Variants in MIGA1 observed in about 807,000 individuals in gnomAD.
MIGA1 encodes family with sequence similarity 73, member A.
A neutral mutation model predicts 82.0 loss-of-function variants in MIGA1; 58 were observed. The observed-to-expected ratio is 0.71, with a 90% CI of 0.57 to 0.88. MIGA1 has a LOEUF of 0.88. Among genes scored for constraint, MIGA1 ranks in the 40% least tolerant of loss-of-function variants. MIGA1 has a pLI of 0.00. For missense variants in MIGA1, 751 were observed against 749.1 expected, an observed-to-expected ratio of 1.00 and a Z score of -0.03; for synonymous variants, 249 against 253.6, an observed-to-expected ratio of 0.98 and a Z score of 0.17.
intron 7 of MIGA1, among the ~76,000 whole-genome samples, chr1:77,825,133 T>A (rs1290676556): frequency 1.4e-5 from 2 of 142,000 alleles, no homozygotes; most frequent in Non-Finnish European, 3.1e-5. Flanking sequence ...AGACTGCAGG[T>A]GCGCTGGGGA....
intron 8 of MIGA1, among the ~76,000 whole-genome samples, chr1:77,858,435 T>C (rs1037791425): frequency 6.6e-6 from 1 of 152,254 alleles, no homozygotes; most frequent in South Asian, 2.1e-4. Context: ...TTAAAAGTTT[T>C]ACTCTTTTTA....
chr1:77,847,989 C>CA, intron 8 of MIGA1: 2 of 1,228,676 alleles, frequency 1.6e-6, no homozygotes, highest in Non-Finnish European at 2.4e-6. Context: ...CCACAGGAAT[C>CA]AAAACCACTC....
intron 5 of MIGA1, chr1:77,811,512 G>T (rs1342833813): frequency 2.5e-6 from 4 of 1,574,388 alleles, no homozygotes; most frequent in African/African-American, 1.4e-5. Context: ...GCTTCTTCAG[G>T]TCCTCCAGTT....
chr1:77,844,644 G>C (rs1251248967), intron 8 of MIGA1, among the ~76,000 whole-genome samples: 1 of 151,978 alleles, frequency 6.6e-6, no homozygotes, highest in Non-Finnish European at 1.5e-5. Context: ...AGTAGATTTT[G>C]GATATAATAA....
Position 77,865,437 on chromosome 1 carries a change from A to G in MIGA1, c.1510-901A>G, listed in dbSNP as rs1293175430. ...GACACCTCGTCTCTATAAAAAAAATACAAAAATTTGCCAGGTGCAGTGGTG... is the reference window on the plus strand; with the variant it reads ...GACACCTCGTCTCTATAAAAAAAATGCAAAAATTTGCCAGGTGCAGTGGTG... On this transcript the variant is annotated intron_variant, in intron 13 of 15. Transcript: ENST00000370791. Among the ~76,000 whole-genome samples the G allele has an allele frequency of 2.6e-5, 4 of 152,264 alleles. No individual in the cohort carries two copies. The East Asian group carries it at 5.8e-4, about 22-fold the overall frequency.
chr1:77,814,953 G>A (rs915462293), intron 6 of MIGA1, among the ~76,000 whole-genome samples, 155 bp from the exon 7 acceptor site: 3 of 152,118 alleles, frequency 2.0e-5, no homozygotes, highest in African/African-American at 7.2e-5. Context: ...TAGAACCCAG[G>A]CCTCTTGACT....
At chr1:77,844,899 T>G (rs896736039) in intron 8 of MIGA1, among the ~76,000 whole-genome samples, 1 of 152,142 alleles carries the variant, frequency 6.6e-6, no homozygotes, top group Admixed American at 6.5e-5. Flanking sequence ...CAAGAATCGC[T>G]TGAACCTGGG....
At position 77,848,664 on chromosome 1, in the gene MIGA1, A is replaced by G. The variant is rs146625303; in HGVS notation, c.996+5257A>G. 6.0e-4 allele frequency: 947 copies of G among 1,575,958 alleles called. 9 individuals are homozygous for G. The highest frequency in any genetic ancestry group is 6.0e-3 in the South Asian group (540 of 90,086). ...AAAGGCAAGAGAAGGGTAAAGAACA[A>G]GAGAGACCACCTGAGGCAGTGAGCA... On this transcript the variant is annotated intron_variant, in intron 8 of 15. Transcript: ENST00000370791.
At chr1:77,789,265 G>A (rs1419595546) in intron 2 of MIGA1, among the ~76,000 whole-genome samples, 6 of 134,588 alleles carry the variant, frequency 4.5e-5, no homozygotes, top group Admixed American at 3.2e-4. Context: ...TGCAAATCCC[G>A]GCAGTAAGTC....
intron 14 of MIGA1, 48 bp from the exon 15 acceptor site, chr1:77,872,956 A>G: frequency 6.2e-7 from 1 of 1,608,398 alleles, no homozygotes; most frequent in Non-Finnish European, 8.5e-7. Context: ...AGAGAAAGCA[A>G]GTAACAAGAA....
intron 7 of MIGA1, among the ~76,000 whole-genome samples, chr1:77,820,760 C>T (rs1362478162): frequency 2.0e-5 from 3 of 152,122 alleles, no homozygotes; most frequent in African/African-American, 7.2e-5. Context: ...TTCTTCTGTC[C>T]TTCTCAATGG....
chr1:77,822,117 A>C (rs1683837533), intron 7 of MIGA1, among the ~76,000 whole-genome samples: 1 of 151,708 alleles, frequency 6.6e-6, no homozygotes, highest in Non-Finnish European at 1.5e-5. Flanking sequence ...TGGTCATTTC[A>C]CATTGCATAC....
At chr1:77,865,260 C>A (rs947319072) in intron 13 of MIGA1, among the ~76,000 whole-genome samples, 1 of 151,442 alleles carries the variant, frequency 6.6e-6, no homozygotes, top group Non-Finnish European at 1.5e-5. Flanking sequence ...ACTGTTAGCT[C>A]TATTCACAAA....
chr1:77,839,754 T>C (rs144275742), intron 7 of MIGA1, among the ~76,000 whole-genome samples: 5 of 152,204 alleles, frequency 3.3e-5, no homozygotes, highest in African/African-American at 1.2e-4. Context: ...TAGTTTTGTT[T>C]TGTTTTGAGA....
At chr1:77,858,682 A>G (rs1400759991) in intron 8 of MIGA1, among the ~76,000 whole-genome samples, 1 of 152,132 alleles carries the variant, frequency 6.6e-6, no homozygotes, top group Non-Finnish European at 1.5e-5. Flanking sequence ...GCAGTGATAC[A>G]ATCACAGCTC....
At chr1:77,811,517 C>T (rs1683327161) in intron 5 of MIGA1, 2 of 1,584,134 alleles carry the variant, frequency 1.3e-6, no homozygotes, top group Admixed American at 1.7e-5. Context: ...TTCAGGTCCT[C>T]CAGTTTAAAT....
intron 3 of MIGA1, among the ~76,000 whole-genome samples, chr1:77,802,300 C>T (rs1339385747): frequency 6.6e-6 from 1 of 152,130 alleles, no homozygotes; most frequent in Non-Finnish European, 1.5e-5. Context: ...CAGGTAAGTG[C>T]CATATATTCA....
intron 15 of MIGA1, among the ~76,000 whole-genome samples, chr1:77,874,623 G>A (rs1646879456): frequency 6.6e-6 from 1 of 152,030 alleles, no homozygotes; most frequent in Non-Finnish European, 1.5e-5. Context: ...TGAGTAGTAA[G>A]TAGGGTGGGT....
At chr1:77,781,445 A>C (rs1445459901) in intron 1 of MIGA1, among the ~76,000 whole-genome samples, 2 of 152,192 alleles carry the variant, frequency 1.3e-5, no homozygotes, top group African/African-American at 4.8e-5. Flanking sequence ...GGGAAGAATA[A>C]ATGAGCTTCC....
Sources: gnomAD v4.1 joint callset for allele counts (sites outside exome capture counted in the v4.1 genomes callset) on GRCh38, gnomAD v4.1.1 for gene constraint, MANE v1.5 for transcripts, NCBI Gene and HGNC (gene_info 2026-07-23, HGNC 2026-07-21) for gene names.